LTBP1: variants seen among roughly 807,000 people sequenced by gnomAD.
LTBP1 encodes the protein latent transforming growth factor beta binding protein 1, also known as latent-transforming growth factor beta-binding protein 1.
In LTBP1, 129 loss-of-function variants were observed where a neutral mutation model predicts 207.6. That is an observed-to-expected ratio of 0.62 (90% CI 0.54 to 0.72). The LOEUF is 0.72. LTBP1 is among the 30% of genes least tolerant of loss of function. The pLI is 0.00. For synonymous variants in LTBP1, 963 were observed against 833.7 expected (o/e 1.16, Z -2.67); for missense variants, 2,281 against 2,217.2 (o/e 1.03, Z -0.58).
intron 9 of LTBP1, among the ~76,000 whole-genome samples, chr2:33,242,462 A>G (rs2092361179): frequency 1.3e-5 from 2 of 152,128 alleles, no homozygotes; most frequent in Admixed American, 1.3e-4. Flanking sequence ...TTCTGCTGCT[A>G]CTGGGTATTT....
At chr2:33,321,019 C>T (rs1011810821) in intron 24 of LTBP1, among the ~76,000 whole-genome samples, 31 of 151,858 alleles carry the variant, frequency 2.0e-4, no homozygotes, top group African/African-American at 7.5e-4. Flanking sequence ...TTCTATATTC[C>T]ACTCCTGTAT....
intron 9 of LTBP1, among the ~76,000 whole-genome samples, chr2:33,232,775 G>A (rs1345229279): frequency 6.6e-6 from 1 of 152,126 alleles, no homozygotes; most frequent in African/African-American, 2.4e-5. Flanking sequence ...TTCTTTAACA[G>A]ATCCTTTAGT....
chr2:33,116,408 A>G (rs2080748049), intron 4 of LTBP1, among the ~76,000 whole-genome samples: 1 of 152,222 alleles, frequency 6.6e-6, no homozygotes, highest in Non-Finnish European at 1.5e-5. Flanking sequence ...GGCATGGCAG[A>G]TGTCATGTTT....
chr2:33,264,535 A>C (rs767309114), intron 15 of LTBP1, among the ~76,000 whole-genome samples: 1 of 152,226 alleles, frequency 6.6e-6, no homozygotes, highest in Non-Finnish European at 1.5e-5. Context: ...GAGCTCTTAT[A>C]AATCAATAGG....
chr2:33,338,862 C>G (rs1382743393), intron 24 of LTBP1, among the ~76,000 whole-genome samples: 3 of 152,096 alleles, frequency 2.0e-5, no homozygotes, highest in African/African-American at 7.2e-5. Context: ...AGGAGGTTGT[C>G]TGGAAACTGT....
rs570845800 is a variant in LTBP1 at position 32,965,217 on chromosome 2, G to C, written c.565+16272G>C. On this transcript the variant is annotated intron_variant, in intron 2 of 33. Coordinates refer to ENST00000404816, the MANE Select transcript of LTBP1 (RefSeq NM_206943.4). ...ACTTTTGAGAGAAGTTTTAGGTTCAGAGCAAAATTGAACAGAAAGTACAAA... is the reference window on the plus strand; with the variant it reads ...ACTTTTGAGAGAAGTTTTAGGTTCACAGCAAAATTGAACAGAAAGTACAAA... Among the ~76,000 whole-genome samples the C allele has an allele frequency of 5.9e-5, 9 of 152,170 alleles. 1 individual carries two copies. In the South Asian group the frequency reaches 1.9e-3, roughly 32 times the overall value.
intron 3 of LTBP1, among the ~76,000 whole-genome samples, chr2:33,099,723 C>T (rs975809021): frequency 9.9e-5 from 15 of 152,168 alleles, no homozygotes; most frequent in East Asian, 1.9e-4. Context: ...CCATGTGCCA[C>T]GTGGATGCCT....
chr2:33,226,243 CA>C (rs796452530), intron 9 of LTBP1, among the ~76,000 whole-genome samples: 8 of 152,236 alleles, frequency 5.3e-5, no homozygotes, highest in African/African-American at 1.9e-4. Flanking sequence ...TTTACCTTTA[CA>C]ATGGGTGTCT....
rs192038035 is a variant in LTBP1, at chr2:33,397,879, T to C, written c.4985-485T>C. 1.8e-3 allele frequency among the ~76,000 whole-genome samples: 273 copies of C among 152,168 alleles called. 1 individual carries two copies. Among genetic ancestry groups the C allele is most frequent in the African/African-American group, 4.5e-3 (188 of 41,508 alleles). ...CTTTGCTTTTGTTAGTTTTAATCCATGGTGTGTCTGTAAAATAGGTAACCT... is the reference window on the plus strand; with the variant it reads ...CTTTGCTTTTGTTAGTTTTAATCCACGGTGTGTCTGTAAAATAGGTAACCT... On this transcript the variant is annotated intron_variant, in intron 33 of 33. Coordinates refer to ENST00000404816, the MANE Select transcript of LTBP1 (RefSeq NM_206943.4).
At chr2:32,974,628 T>A (rs989008219) in intron 2 of LTBP1, among the ~76,000 whole-genome samples, 1 of 152,196 alleles carries the variant, frequency 6.6e-6, no homozygotes, top group Admixed American at 6.5e-5. Flanking sequence ...GCTTTTAGGG[T>A]ATTGCTCTTT....
chr2:33,363,434 G>T lies in LTBP1; in HGVS notation c.4315G>T (p.Gly1439Cys). The change falls in exon 29 of 34, where the codon GGT becomes TGT. Residue 1439 changes from glycine (G) to cysteine (C), a missense_variant. By Grantham distance (159) the Gly-to-Cys change is radical. This residue lies in a region of LTBP1 where 1,671 missense variants were observed against 1,634.8 expected (regional missense o/e 1.02). Coordinates refer to ENST00000404816, the MANE Select transcript of LTBP1 (RefSeq NM_206943.4). ...LLFGQEICKN[G>C]FCLNTRPGYE... Reference sequence around the variant, plus strand: ...TTTTGGACAAGAAATCTGCAAAAATGGTTTCTGTTTGAACACTCGGCCTGG... The same window carrying T: ...TTTTGGACAAGAAATCTGCAAAAATTGTTTCTGTTTGAACACTCGGCCTGG... 1 of 1,613,840 alleles carries T rather than the reference G, an allele frequency of 6.2e-7. No individual in the cohort carries two copies. The highest frequency in any genetic ancestry group is 1.1e-5 in the South Asian group (1 of 91,058).
At chr2:33,257,187 T>C in intron 11 of LTBP1, 97 bp from the exon 12 acceptor site, 2 of 861,732 alleles carry the variant, frequency 2.3e-6, no homozygotes, top group Non-Finnish European at 3.7e-6. Flanking sequence ...ACTACATTAG[T>C]GATGATTTAT....
intron 3 of LTBP1, among the ~76,000 whole-genome samples, chr2:33,078,255 C>G (rs752554233): frequency 6.6e-6 from 1 of 152,168 alleles, no homozygotes; most frequent in African/African-American, 2.4e-5. Context: ...AGTATTTTCT[C>G]TTAAGGAAAT....
intron 5 of LTBP1, among the ~76,000 whole-genome samples, chr2:33,182,013 G>C (rs1172843433): frequency 2.0e-5 from 3 of 152,176 alleles, no homozygotes; most frequent in Non-Finnish European, 2.9e-5. Flanking sequence ...CATACTTATT[G>C]AGCTGAGACA....
intron 2 of LTBP1, among the ~76,000 whole-genome samples, chr2:33,020,364 A>G (rs959306295): frequency 1.8e-4 from 28 of 152,150 alleles, no homozygotes; most frequent in African/African-American, 6.5e-4. Context: ...GTCTTGGCAA[A>G]AAATTTAGGC....
In LTBP1 at chr2:33,365,626, C is replaced by CGTGTGTGA. The variant is rs1553518258; in HGVS notation, c.4711+130_4711+131insAGTGTGTG. ...CACTCCTGATATCTTACTTTCATCCCGTGTGTGTGTGTGTGTGTGTGTGTA... is the reference window on the plus strand; with the variant it reads ...CACTCCTGATATCTTACTTTCATCCCGTGTGTGAGTGTGTGTGTGTGTGTGTGTGTGTA... On this transcript the variant is annotated intron_variant, in intron 31 of 33. Transcript: ENST00000404816. The CGTGTGTGA allele has an allele frequency of 2.1e-5, 15 of 711,902 alleles. No individual in the cohort carries two copies. In the East Asian group the frequency reaches 4.3e-4, roughly 20 times the overall value. The allele number at this position is 711,902 out of a possible 1,614,324, so 44.1% of individuals were successfully genotyped here. A position where few individuals can be genotyped will look rare whatever the true frequency, so the allele number is the denominator to read the frequency against.
rs114100893 is a variant in LTBP1, at chr2:33,354,986, A to T, written c.4001-5611A>T. On this transcript the variant is annotated intron_variant, in intron 26 of 33. Transcript: ENST00000404816. ...CGTTTTATCTTCTTAATACTACAAG[A>T]TATACTCACACTGTTGCATTAGAAA... Among the ~76,000 whole-genome samples, 715 of 152,192 alleles carry T rather than the reference A, an allele frequency of 4.7e-3. 4 individuals are homozygous for T. The highest frequency in any genetic ancestry group is 0.016 in the African/African-American group (682 of 41,514).
chr2:33,379,261 G>A (rs1310430896), intron 31 of LTBP1, among the ~76,000 whole-genome samples: 1 of 144,986 alleles, frequency 6.9e-6, no homozygotes, highest in Non-Finnish European at 1.5e-5. Context: ...CCAGGCTGGA[G>A]TGCAGTGGTG....
intron 10 of LTBP1, among the ~76,000 whole-genome samples, chr2:33,246,429 T>A (rs1267027006): frequency 6.6e-6 from 1 of 151,834 alleles, no homozygotes; most frequent in African/African-American, 2.4e-5. Context: ...GTATTTTTGG[T>A]AGTCACAGGG....
Sources: allele counts gnomAD v4.1 joint callset (sites outside exome capture counted in the v4.1 genomes callset), GRCh38; gene constraint gnomAD v4.1.1; regional missense constraint gnomAD v4.1.1; transcripts MANE v1.5; gene names NCBI Gene and HGNC (gene_info 2026-07-23, HGNC 2026-07-21).